The following ARHGEF38 variants were observed in gnomAD, a reference collection of about 807,000 sequenced individuals.
The protein encoded by ARHGEF38 is Rho guanine nucleotide exchange factor 38, also known as Rho guanine nucleotide exchange factor (GEF) 38.
ARHGEF38 carries 79 observed loss-of-function variants against 79.9 expected under a neutral mutation model. The ratio of observed to expected loss-of-function variants is 0.99; its 90% CI spans 0.82 to 1.19. The LOEUF is 1.19. ARHGEF38 is among the 50% of genes most tolerant of loss of function. The probability of loss-of-function intolerance (pLI) is 0.00; values close to 1 mark genes in which losing one functional copy is unlikely to be tolerated. For missense variants in ARHGEF38, 962 were observed against 907.2 expected (o/e 1.06, Z -0.78); for synonymous variants, 366 against 328.3 (o/e 1.11, Z -1.24).
chr4:105,593,274 C>T (rs762026827), intron 2 of ARHGEF38, among the ~76,000 whole-genome samples: 6 of 152,084 alleles, frequency 3.9e-5, no homozygotes, highest in Non-Finnish European at 5.9e-5. Flanking sequence ...CAGTGGCTCA[C>T]ACCTGTAATC....
intron 4 of ARHGEF38, among the ~76,000 whole-genome samples, chr4:105,635,739 T>G (rs1429233961): frequency 1.3e-5 from 2 of 152,024 alleles, no homozygotes; most frequent in African/African-American, 4.8e-5. Context: ...TTTCTTTCAT[T>G]GCAATAGGAG....
At chr4:105,671,684 A>G (rs930834913) in intron 13 of ARHGEF38, among the ~76,000 whole-genome samples, 1 of 152,186 alleles carries the variant, frequency 6.6e-6, no homozygotes, top group African/African-American at 2.4e-5. Flanking sequence ...AGAAAATTAT[A>G]TCTTCTTTAC....
At chr4:105,662,707 C>T (rs780683815) in intron 10 of ARHGEF38, among the ~76,000 whole-genome samples, 11 of 151,936 alleles carry the variant, frequency 7.2e-5, no homozygotes, top group Non-Finnish European at 1.5e-4. Context: ...CAAATTATTT[C>T]GATAATTTCA....
intron 3 of ARHGEF38, among the ~76,000 whole-genome samples, chr4:105,628,698 C>A (rs1440669827): frequency 2.6e-5 from 4 of 151,946 alleles, no homozygotes; most frequent in Non-Finnish European, 5.9e-5. Flanking sequence ...AATCTTAAAA[C>A]ACACACACAC....
intron 1 of ARHGEF38, among the ~76,000 whole-genome samples, chr4:105,573,721 T>C (rs954063737): frequency 5.3e-5 from 8 of 150,984 alleles, no homozygotes; most frequent in Non-Finnish European, 1.2e-4. Context: ...TGAGATGCCA[T>C]GTAAGTTTTA....
chr4:105,674,446 T>C (rs1227335624), intron 13 of ARHGEF38, among the ~76,000 whole-genome samples: 4 of 152,228 alleles, frequency 2.6e-5, no homozygotes, highest in African/African-American at 9.6e-5. Flanking sequence ...AGTTACAGAC[T>C]GAAACAATTA....
At chr4:105,624,398 T>A (rs1260724847) in intron 3 of ARHGEF38, among the ~76,000 whole-genome samples, 1 of 152,048 alleles carries the variant, frequency 6.6e-6, no homozygotes, top group Non-Finnish European at 1.5e-5. Flanking sequence ...GAAACCAGAG[T>A]TTTTTTCTTC....
At chr4:105,661,334 T>A (rs1250149098) in intron 10 of ARHGEF38, among the ~76,000 whole-genome samples, 2 of 152,062 alleles carry the variant, frequency 1.3e-5, no homozygotes, top group African/African-American at 4.8e-5. Flanking sequence ...GTTGATTATA[T>A]ACCTAGGAGT....
In ARHGEF38 at chr4:105,679,869, C is replaced by T; in HGVS notation, c.*1932C>T. 1.4e-6 allele frequency: 2 copies of T among 1,427,750 alleles called. No homozygotes were observed. The highest frequency in any genetic ancestry group is 1.7e-5 in the Admixed American group (1 of 59,042). 88.4% of individuals were successfully genotyped at this position (1,427,750 alleles called of 1,614,324 possible). On this transcript the variant is annotated 3_prime_UTR_variant, in exon 14 of 14. Coordinates refer to ENST00000420470, the MANE Select transcript of ARHGEF38 (RefSeq NM_001242729.2). ...GAACTTTGAATCACCAGGTCAACTACAGGAATGTCCAAACCACGAGGAGCC... is the reference window on the plus strand; with the variant it reads ...GAACTTTGAATCACCAGGTCAACTATAGGAATGTCCAAACCACGAGGAGCC...
At chr4:105,644,461 T>G (rs1355505451) in intron 5 of ARHGEF38, among the ~76,000 whole-genome samples, 3 of 152,200 alleles carry the variant, frequency 2.0e-5, no homozygotes. Flanking sequence ...CTTCCCCTCC[T>G]GTGAACTGCC....
intron 2 of ARHGEF38, among the ~76,000 whole-genome samples, chr4:105,610,207 GGGGGT>G (rs1485859495): frequency 6.6e-6 from 1 of 152,040 alleles, no homozygotes; most frequent in African/African-American, 2.4e-5. Flanking sequence ...GGGCTGATTA[GGGGGT>G]GGGTTGGGAG....
At chr4:105,606,318 G>A (rs992879137) in intron 2 of ARHGEF38, among the ~76,000 whole-genome samples, 2 of 152,058 alleles carry the variant, frequency 1.3e-5, no homozygotes, top group African/African-American at 4.8e-5. Context: ...CTTGAAAGCA[G>A]TGCTGTTTAT....
chr4:105,648,516 G>T, intron 6 of ARHGEF38, 33 bp from the exon 7 acceptor site: 5 of 1,466,082 alleles, frequency 3.4e-6, no homozygotes, highest in Non-Finnish European at 4.5e-6. Flanking sequence ...TGCTGCATGT[G>T]TTCAGCTACG....
At chr4:105,561,232 A>G (rs903602625) in intron 1 of ARHGEF38, among the ~76,000 whole-genome samples, 1 of 151,652 alleles carries the variant, frequency 6.6e-6, no homozygotes, top group African/African-American at 2.4e-5. Context: ...TACTAAGAAA[A>G]CAAAACAAAA....
intron 2 of ARHGEF38, among the ~76,000 whole-genome samples, chr4:105,600,954 G>A (rs906475045): frequency 2.0e-5 from 3 of 151,906 alleles, no homozygotes; most frequent in African/African-American, 4.8e-5. Context: ...TTCCACTCTG[G>A]TTCAAGAACC....
chr4:105,620,486 T>G (rs951243293), intron 3 of ARHGEF38, among the ~76,000 whole-genome samples: 2 of 152,212 alleles, frequency 1.3e-5, no homozygotes, highest in Non-Finnish European at 2.9e-5. Flanking sequence ...GATGATGTTA[T>G]AAATTATTAT....
chr4:105,613,270 G>A lies in ARHGEF38; in HGVS notation c.385-114G>A, dbSNP rs75619397. The A allele has an allele frequency of 2.6e-3, 2,610 of 1,012,038 alleles. 36 individuals carry two copies. The African/African-American group carries it at 0.04, about 16-fold the overall frequency. The allele number at this position is 1,012,038 out of a possible 1,614,324, so 62.7% of individuals were successfully genotyped here. On this transcript the variant is annotated intron_variant, in intron 2 of 13. Transcript: ENST00000420470. The stretch of plus-strand genomic sequence containing the variant: ...GAATTCCTAAATAAGAATGTTAACA[G>A]AAATGGTTAATGGAGACAGCATGCG...
At chr4:105,665,799 T>C (rs1239280183) in intron 10 of ARHGEF38, among the ~76,000 whole-genome samples, 1 of 152,164 alleles carries the variant, frequency 6.6e-6, no homozygotes, top group African/African-American at 2.4e-5. Context: ...TGTTGAAGAA[T>C]TTGTTTGAAA....
At chr4:105,553,413 G>A (rs1725096579) in intron 1 of ARHGEF38, among the ~76,000 whole-genome samples, 1 of 152,040 alleles carries the variant, frequency 6.6e-6, no homozygotes, top group Non-Finnish European at 1.5e-5. Context: ...CTTAAATAGG[G>A]GCATGAAACT....
Sources: gnomAD v4.1 joint callset for allele counts (sites outside exome capture counted in the v4.1 genomes callset) on GRCh38, gnomAD v4.1.1 for gene constraint, MANE v1.5 for transcripts, NCBI Gene and HGNC (gene_info 2026-07-23, HGNC 2026-07-21) for gene names.